The following TTYH3 variants were observed in gnomAD, a reference collection of about 807,000 sequenced individuals.
The protein encoded by TTYH3 is tweety family member 3.
A neutral mutation model predicts 68.2 loss-of-function variants in TTYH3; 23 were observed. The ratio of observed to expected loss-of-function variants is 0.34; its 90% CI spans 0.24 to 0.48. The LOEUF (loss-of-function observed/expected upper bound fraction) is 0.48, where lower values mean the gene tolerates loss of function less well. Ranked by LOEUF, TTYH3 falls within the 20% of genes least tolerant of loss-of-function variation. The pLI, the probability that TTYH3 is intolerant of heterozygous loss-of-function variation, is 0.99. For synonymous variants in TTYH3, 360 were observed against 332.8 expected (o/e 1.08, Z -0.89); for missense variants, 768 against 727.7 (o/e 1.06, Z -0.64).
chr7:2,652,279 A>G, intron 8 of TTYH3, 37 bp downstream of exon 8: 2 of 1,588,166 alleles, frequency 1.3e-6, no homozygotes, highest in East Asian at 2.2e-5. Flanking sequence ...GCTTCAGGAG[A>G]GTCTGAAGCA....
At chr7:2,658,550 C>T in intron 12 of TTYH3, 91 bp downstream of exon 12, 1 of 1,456,388 alleles carries the variant, frequency 6.9e-7, no homozygotes, top group South Asian at 1.4e-5. Context: ...AGGCAAGGGG[C>T]TGGAGAAGGG....
rs1481607691 is a variant in TTYH3 at position 2,664,793 on chromosome 7, T to C, written c.*3054T>C. 6.6e-6 allele frequency: 1 copy of C among 152,238 alleles called. No homozygotes were observed. Among genetic ancestry groups the C allele is most frequent in the East Asian group, 1.9e-4 (1 of 5,272 alleles). The allele number at this position is 152,238 out of a possible 1,614,324, so 9.4% of individuals were successfully genotyped here. On this transcript the variant is annotated 3_prime_UTR_variant, in exon 14 of 14. Coordinates refer to ENST00000258796, the MANE Select transcript of TTYH3 (RefSeq NM_025250.3). The stretch of plus-strand genomic sequence containing the variant: ...GGGTTTCATGTTTTAAAATAAATTT[T>C]AAAAAGCAAGCCTCTCTTCCTGAGC...
At chr7:2,642,995 G>A (rs1785889923) in intron 1 of TTYH3, among the ~76,000 whole-genome samples, 1 of 149,542 alleles carries the variant, frequency 6.7e-6, no homozygotes, top group Non-Finnish European at 1.5e-5. Context: ...CCTGGGAGGC[G>A]GAGGTTTCAG....
intron 1 of TTYH3, among the ~76,000 whole-genome samples, chr7:2,644,514 A>C (rs1785931750): frequency 6.6e-6 from 1 of 152,144 alleles, no homozygotes; most frequent in Admixed American, 6.5e-5. Context: ...GCTCCCTGGG[A>C]CCATGAGACC....
chr7:2,648,003 G>T lies in TTYH3; in HGVS notation c.671G>T (p.Cys224Phe). ...CTGCTGCTGCTGGACGTCATCATCTGCCTCCTGGTGCTGGTTGGCCTCATC... is the reference window on the plus strand; with the variant it reads ...CTGCTGCTGCTGGACGTCATCATCTTCCTCCTGGTGCTGGTTGGCCTCATC... ...LGLLLLDVII[C>F]LLVLVGLIRS... The change falls in exon 5 of 14, where the codon TGC (cysteine) becomes TTC (phenylalanine). Residue 224 changes from cysteine (C) to phenylalanine (F), a missense_variant. Transcript: ENST00000258796. 6.2e-7 allele frequency: 1 copy of T among 1,610,954 alleles called. No individual in the cohort carries two copies. Among genetic ancestry groups the T allele is most frequent in the Middle Eastern group, 1.7e-4 (1 of 5,958 alleles).
Position 2,647,525 on chromosome 7 carries a change from G to T in TTYH3, c.513G>T (p.Leu171=), listed in dbSNP as rs1305260828. 1 of 1,549,036 alleles carries T rather than the reference G, an allele frequency of 6.5e-7. No homozygotes were observed. The highest frequency in any genetic ancestry group is 1.2e-5 in the South Asian group (1 of 84,104). ...AGCCCCTGCGAGCCGTACAGAGGCT[G>T]CAGGGCCTGCTGGAGACGCTGCTGG... ...RPEPLRAVQR[L]QGLLETLLGY... is the part of the protein sequence containing the mutation. Residue 171 remains leucine, a synonymous_variant, in exon 4 of 14, where the codon CTG becomes CTT. Coordinates refer to ENST00000258796, the MANE Select transcript of TTYH3 (RefSeq NM_025250.3).
At chr7:2,661,527 G>T in intron 13 of TTYH3, 141 bp from the exon 14 acceptor site, 1 of 827,550 alleles carries the variant, frequency 1.2e-6, no homozygotes, top group Non-Finnish European at 1.9e-6. Context: ...CCTCCCTATA[G>T]GCTCTGTCAG....
In TTYH3 at chr7:2,660,612, G is replaced by A. The variant is rs1439731236; in HGVS notation, c.1501-1056G>A. 4 of 939,234 alleles carry A rather than the reference G, an allele frequency of 4.3e-6. No homozygotes were observed. The African/African-American group carries it at 5.7e-5, about 13-fold the overall frequency. 58.2% of individuals were successfully genotyped at this position (939,234 alleles called of 1,614,324 possible). Reference sequence around the variant, plus strand: ...TTGTGCTGCATGTCAGTGGAATGACGAGGCTCCGGGCCGTGGCTCCTCCCC... The same window carrying A: ...TTGTGCTGCATGTCAGTGGAATGACAAGGCTCCGGGCCGTGGCTCCTCCCC... On this transcript the variant is annotated intron_variant, in intron 13 of 13. Coordinates refer to ENST00000258796, the MANE Select transcript of TTYH3 (RefSeq NM_025250.3).
chr7:2,632,349 G>C, intron 1 of TTYH3, 71 bp downstream of exon 1: 3 of 1,390,492 alleles, frequency 2.2e-6, no homozygotes, highest in Non-Finnish European at 2.9e-6. Flanking sequence ...CCAGGGTCAC[G>C]GCCCCCATCC....
chr7:2,638,970 A>G (rs1171744720), intron 1 of TTYH3, among the ~76,000 whole-genome samples: 1 of 152,100 alleles, frequency 6.6e-6, no homozygotes, highest in Admixed American at 6.5e-5. Context: ...GGCCTCCCCA[A>G]ACAAGTCTGG....
At position 2,656,160 on chromosome 7, in the gene TTYH3, G is replaced by A. The variant is rs776199230; in HGVS notation, c.1089G>A (p.Leu363=). ...TGAACCTGCAGCACCTCACCGCCCT[G>A]GTGGACTGCCGCAGCCTGCATCTGG... ...TEVNLQHLTA[L]VDCRSLHLDY... The change falls in exon 10 of 14, where the codon CTG becomes CTA. Residue 363 remains leucine (L), a synonymous_variant. Transcript: ENST00000258796. The A allele has an allele frequency of 1.9e-6, 3 of 1,569,994 alleles. No homozygotes were observed. Among genetic ancestry groups the A allele is most frequent in the Admixed American group, 3.7e-5 (2 of 53,354 alleles).
chr7:2,650,532 C>T (rs10950816), intron 7 of TTYH3, among the ~76,000 whole-genome samples: 35,118 of 151,582 alleles, frequency 0.23, 4,356 homozygotes, highest in East Asian at 0.46. Flanking sequence ...GAGCCGAGAT[C>T]GCACCACTGC....
intron 9 of TTYH3, among the ~76,000 whole-genome samples, chr7:2,653,223 C>T (rs949731787): frequency 6.6e-6 from 1 of 152,178 alleles, no homozygotes. Flanking sequence ...CCCCTTCCTC[C>T]CTCCTTCATT....
At chr7:2,656,577 A>G (rs761871596) in intron 11 of TTYH3, 43 bp downstream of exon 11, 3 of 1,583,506 alleles carry the variant, frequency 1.9e-6, no homozygotes, top group South Asian at 1.1e-5. Context: ...CCCAGGCCAC[A>G]TGGCATGCGG....
chr7:2,659,257 T>C (rs1445571602), intron 13 of TTYH3, among the ~76,000 whole-genome samples: 1 of 152,160 alleles, frequency 6.6e-6, no homozygotes, highest in Non-Finnish European at 1.5e-5. Context: ...TGGAGTGTCC[T>C]GGGGCCAGAG....
At position 2,632,031 on chromosome 7, in the gene TTYH3, G is replaced by GCCGGT. The variant is rs1785532588; in HGVS notation, c.-123_-122insGGTCC. The GCCGGT allele has an allele frequency of 6.9e-6, 6 of 868,444 alleles. No individual in the cohort carries two copies. The Admixed American group carries it at 2.1e-4, about 30-fold the overall frequency. 53.8% of individuals were successfully genotyped at this position (868,444 alleles called of 1,614,324 possible). ...GCCGGGCCGAGCCGGGCCGGGCCGG[G>GCCGGT]CCCAGGAGCGCGCGGATGATGCGGG... On this transcript the variant is annotated 5_prime_UTR_variant, in exon 1 of 14. Transcript: ENST00000258796.
intron 13 of TTYH3, chr7:2,660,058 C>G: frequency 7.7e-7 from 1 of 1,297,904 alleles, no homozygotes; most frequent in South Asian, 1.2e-5. Flanking sequence ...CCCACCGGTC[C>G]CCCATCCCGC....
In TTYH3 at chr7:2,658,306, A is replaced by C. The variant is rs1482450815; in HGVS notation, c.1271A>C (p.Glu424Ala). Residue 424 changes from glutamate to alanine, a missense_variant, in exon 12 of 14, where the codon GAG becomes GCG. Physicochemically the swap from Glu to Ala is moderately radical, Grantham distance 107. Coordinates refer to ENST00000258796, the MANE Select transcript of TTYH3 (RefSeq NM_025250.3). ...CACAGAGGCCCTGATGAGGACGGGG[A>C]GGAGGAGGCCGCTCCAGGGCCGCGG... is the stretch of plus-strand genomic sequence containing the variant. Reference protein sequence around the residue: ...QQKRGPDEDGEEEAAPGPRQA... With the variant: ...QQKRGPDEDGAEEAAPGPRQA... The C allele has an allele frequency of 2.5e-6, 4 of 1,593,340 alleles. No individual in the cohort carries two copies. Among genetic ancestry groups the C allele is most frequent in the Non-Finnish European group, 3.4e-6 (4 of 1,169,654 alleles).
rs1391612251 is a variant in TTYH3 at position 2,645,682 on chromosome 7, C to T, written c.124-1171C>T. On this transcript the variant is annotated intron_variant, in intron 1 of 13. Transcript: ENST00000258796. The surrounding 1 kb of genome is among the most constrained non-coding windows in gnomAD (Gnocchi z 4.8). ...ATCCAGCGTGGGGGCACGCCATGGA[C>T]GGTGCCCACCCCTGAGTGCAGCTTC... 6 of 417,574 alleles carry T rather than the reference C, an allele frequency of 1.4e-5. No individual in the cohort carries two copies. The highest frequency in any genetic ancestry group is 3.4e-5 in the South Asian group (2 of 57,994). 25.9% of individuals were successfully genotyped at this position (417,574 alleles called of 1,614,324 possible).
Sources: gnomAD v4.1 joint callset for allele counts (sites outside exome capture counted in the v4.1 genomes callset) on GRCh38, gnomAD v4.1.1 for gene constraint, Gnocchi (gnomAD v3.1) non-coding constraint, MANE v1.5 for transcripts, NCBI Gene and HGNC (gene_info 2026-07-23, HGNC 2026-07-21) for gene names.